The following RNASEH1 variants were observed in gnomAD, a reference collection of about 807,000 sequenced individuals.
RNASEH1 encodes ribonuclease H1, also known as ribonuclease H type II.
RNASEH1 carries 27 observed loss-of-function variants against 34.6 expected under a neutral mutation model. The ratio of observed to expected loss-of-function variants is 0.78; its 90% CI spans 0.58 to 1.08. RNASEH1 has a LOEUF of 1.08. RNASEH1 is among the 50% of genes least tolerant of loss of function. RNASEH1 has a pLI of 0.00. For missense variants in RNASEH1, 349 were observed against 373.6 expected (o/e 0.93, Z 0.54); for synonymous variants, 162 against 138.4 (o/e 1.17, Z -1.20).
the RNASEH1 span, among the ~76,000 whole-genome samples, chr2:3,535,819 C>A: frequency 2.0e-5 from 3 of 152,144 alleles, no homozygotes; most frequent in Non-Finnish European, 4.4e-5. Flanking sequence ...GCGAACCCAC[C>A]AGGAGCTCTG....
Position 3,552,152 on chromosome 2 carries a change from G to C in RNASEH1, c.401C>G (p.Ser134Cys), listed in dbSNP as rs1659991570. ...ACCCAAGGAAGATGTACCCATGTAG[G>C]AAAACGTGTCTCTGCTAACTGGAGG... ...PAPPVSRDTF[S>C]YMGDFVVVYT... Residue 134 changes from serine to cysteine, a missense_variant, in exon 3 of 8, where the codon TCC becomes TGC. Coordinates refer to ENST00000315212, the MANE Select transcript of RNASEH1 (RefSeq NM_002936.6). 5.0e-6 allele frequency: 8 copies of C among 1,608,846 alleles called. No homozygotes were observed. In the East Asian group the frequency reaches 1.3e-4, roughly 27 times the overall value.
chr2:3,557,924 A>G, intron 1 of RNASEH1: 1 of 1,530,360 alleles, frequency 6.5e-7, no homozygotes, highest in Non-Finnish European at 8.8e-7. Context: ...TATTTCAAAC[A>G]AGTCTTCGGT....
In RNASEH1 at chr2:3,542,073, C is replaced by T. The variant is rs898424020; in HGVS notation, c.*3712G>A. ...AACAAAGAAAGAGATAAAAGAGATT[C>T]AAGAGACAGTGGCAAACACTGAGAA... On this transcript the variant is annotated 3_prime_UTR_variant, in exon 8 of 8. Transcript: ENST00000315212. 1.3e-5 allele frequency among the ~76,000 whole-genome samples: 2 copies of T among 152,142 alleles called. No homozygotes were observed. The highest frequency in any genetic ancestry group is 4.8e-5 in the African/African-American group (2 of 41,430).
chr2:3,550,636 C>A (rs763589464), intron 3 of RNASEH1, among the ~76,000 whole-genome samples, 164 bp from the exon 4 acceptor site: 1 of 152,202 alleles, frequency 6.6e-6, no homozygotes, highest in African/African-American at 2.4e-5. Flanking sequence ...TACAAGGGGG[C>A]ACCTAACATT....
At chr2:3,557,996 G>A (rs1660703954) in intron 1 of RNASEH1, 137 bp downstream of exon 1, 1 of 1,486,456 alleles carries the variant, frequency 6.7e-7, no homozygotes, top group African/African-American at 1.4e-5. Context: ...AAAACGAGGC[G>A]GTCCCCCGAC....
chr2:3,540,629 G>A (rs570606449), downstream of RNASEH1, among the ~76,000 whole-genome samples: 12 of 152,292 alleles, frequency 7.9e-5, no homozygotes, highest in South Asian at 2.5e-3. Context: ...GCCTGGTCTT[G>A]AACGCCTGAC....
At position 3,544,297 on chromosome 2, in the gene RNASEH1, T is replaced by C. The variant is rs949974096; in HGVS notation, c.*1488A>G. Among the ~76,000 whole-genome samples the C allele has an allele frequency of 1.3e-5, 2 of 152,050 alleles. No individual in the cohort carries two copies. Among genetic ancestry groups the C allele is most frequent in the Non-Finnish European group, 1.5e-5 (1 of 68,022 alleles). On this transcript the variant is annotated 3_prime_UTR_variant, in exon 8 of 8. Transcript: ENST00000315212. The stretch of plus-strand genomic sequence containing the variant: ...TCAAGCCTCTGGACCCAGCTGCCAA[T>C]GTGCAGGAAACATAGAGGACCATGC...
At chr2:3,548,791 A>T (rs996674505) in intron 5 of RNASEH1, 67 bp from the exon 6 acceptor site, 12 of 1,173,200 alleles carry the variant, frequency 1.0e-5, no homozygotes, top group Non-Finnish European at 1.5e-5. Flanking sequence ...AAAGTTCAAA[A>T]GTACTTCGAA....
chr2:3,556,627 CTAT>C (rs1186442938), intron 2 of RNASEH1, among the ~76,000 whole-genome samples, 159 bp downstream of exon 2: 1 of 152,196 alleles, frequency 6.6e-6, no homozygotes, highest in Non-Finnish European at 1.5e-5. Context: ...ATATGAACCA[CTAT>C]TTGTAACTGC....
At chr2:3,548,909 A>T in intron 5 of RNASEH1, 149 bp downstream of exon 5, 1 of 849,978 alleles carries the variant, frequency 1.2e-6, no homozygotes, top group Non-Finnish European at 1.9e-6. Flanking sequence ...GAATTTTTCT[A>T]CAAAATTCCT....
chr2:3,550,636 C>T (rs763589464), intron 3 of RNASEH1, among the ~76,000 whole-genome samples, 164 bp from the exon 4 acceptor site: 7 of 152,202 alleles, frequency 4.6e-5, no homozygotes, highest in Non-Finnish European at 8.8e-5. Flanking sequence ...TACAAGGGGG[C>T]ACCTAACATT....
At chr2:3,540,455 C>T (rs989428084), downstream of RNASEH1, among the ~76,000 whole-genome samples, 1 of 152,202 alleles carries the variant, frequency 6.6e-6, no homozygotes, top group Admixed American at 6.5e-5. Flanking sequence ...ATTGCCCAGG[C>T]TGGAGTGCAG....
intron 1 of RNASEH1, chr2:3,557,808 C>T: frequency 1.7e-6 from 2 of 1,171,646 alleles, no homozygotes; most frequent in Non-Finnish European, 2.3e-6. Flanking sequence ...AACGGGGGTT[C>T]GTTCTGATTA....
In RNASEH1 at chr2:3,556,773, TATGAG is replaced by T. The variant is rs1440527456; in HGVS notation, c.244+11_244+15del. The T allele has an allele frequency of 6.5e-7, 1 of 1,546,392 alleles. No homozygotes were observed. Among genetic ancestry groups the T allele is most frequent in the African/African-American group, 1.4e-5 (1 of 73,756 alleles). ...TGAATAGGTTAAAATGTCACACTGA[TATGAG>T]AGGTGACTACCTTCTGAAACTTCCG... On this transcript the variant is annotated intron_variant, in intron 2 of 7. Transcript: ENST00000315212.
chr2:3,548,758 A>C, intron 5 of RNASEH1, 34 bp from the exon 6 acceptor site: 1 of 1,500,940 alleles, frequency 6.7e-7, no homozygotes. Flanking sequence ...ATGCTACAGA[A>C]AATGTTCAAC....
At chr2:3,538,028 A>ACT (rs57371593), downstream of RNASEH1, among the ~76,000 whole-genome samples, 55,158 of 150,102 alleles carry the variant, frequency 0.37, 11,567 homozygotes, top group African/African-American at 0.58. Context: ...CAAGAGCGAA[A>ACT]CTGTCTTAAA....
At chr2:3,549,886 C>T (rs1669114324) in intron 4 of RNASEH1, among the ~76,000 whole-genome samples, 1 of 150,512 alleles carries the variant, frequency 6.6e-6, no homozygotes. Context: ...GTGGAGCTTG[C>T]AGTGAGCCGA....
intron 1 of RNASEH1, among the ~76,000 whole-genome samples, chr2:3,557,237 C>A (rs1558462423): frequency 6.6e-6 from 1 of 151,972 alleles, no homozygotes; most frequent in Non-Finnish European, 1.5e-5. Context: ...TATTTTTGAT[C>A]TATGGTTAGC....
In RNASEH1 at chr2:3,544,579, T is replaced by C. The variant is rs71449679; in HGVS notation, c.*1206A>G. Among the ~76,000 whole-genome samples, 29,167 of 152,076 alleles carry C rather than the reference T, an allele frequency of 0.19. 2,803 individuals are homozygous for C. The highest frequency in any genetic ancestry group is 0.25 in the Admixed American group (3,823 of 15,278). ...AAGGAGGGGGAGAAGAAGAGGGCTG[T>C]GGCTGGAGGGGCACTTGGGAGAGCC... is the stretch of plus-strand genomic sequence containing the variant. On this transcript the variant is annotated 3_prime_UTR_variant, in exon 8 of 8. Coordinates refer to ENST00000315212, the MANE Select transcript of RNASEH1 (RefSeq NM_002936.6).
Sources: gnomAD v4.1 joint callset for allele counts (sites outside exome capture counted in the v4.1 genomes callset) on GRCh38, gnomAD v4.1.1 for gene constraint, MANE v1.5 for transcripts, NCBI Gene and HGNC (gene_info 2026-07-23, HGNC 2026-07-21) for gene names.